The following MYO1E variants were observed in gnomAD, a reference collection of about 807,000 sequenced individuals.
MYO1E encodes the protein myosin IE, also known as unconventional myosin-Ie.
MYO1E carries 68 observed loss-of-function variants against 151.1 expected under a neutral mutation model. The observed-to-expected ratio is 0.45, with a 90% CI of 0.37 to 0.55. The LOEUF (loss-of-function observed/expected upper bound fraction) is 0.55, where lower values mean the gene tolerates loss of function less well. Among genes scored for constraint, MYO1E ranks in the 20% least tolerant of loss-of-function variants. The pLI is 0.00. For synonymous variants in MYO1E, 601 were observed against 501.7 expected (o/e 1.20, Z -2.64); for missense variants, 1,363 against 1,389.3 (o/e 0.98, Z 0.30).
At chr15:59,138,405 CAG>C in intron 26 of MYO1E, 38 bp from the exon 27 acceptor site, 2 of 1,609,578 alleles carry the variant, frequency 1.2e-6, no homozygotes, top group Non-Finnish European at 1.7e-6. Context: ...TGGGCCCCAA[CAG>C]GGGGCAGCAG....
rs1276264068 is a variant in MYO1E, at chr15:59,132,748, AGT to A, written c.*4630_*4631del. The A allele has an allele frequency of 6.6e-6, 1 of 152,338 alleles. No homozygotes were observed. The highest frequency in any genetic ancestry group is 2.4e-5 in the African/African-American group (1 of 41,576). 9.4% of individuals were successfully genotyped at this position (152,338 alleles called of 1,614,324 possible). ...TCTGTACCTGTGAAGTGGGGATAAG[AGT>A]GTCTCCCTCATAGGGTGGTGCTAAG... On this transcript the variant is annotated 3_prime_UTR_variant, in exon 28 of 28. Coordinates refer to ENST00000288235, the MANE Select transcript of MYO1E (RefSeq NM_004998.4).
chr15:59,287,882 G>C (rs75427114), intron 1 of MYO1E, among the ~76,000 whole-genome samples: 1 of 152,222 alleles, frequency 6.6e-6, no homozygotes, highest in Non-Finnish European at 1.5e-5. Context: ...ACTAGAAGGA[G>C]TGGATCAGAA....
intron 26 of MYO1E, among the ~76,000 whole-genome samples, chr15:59,149,052 G>GTTTTTT (rs570700878): frequency 1.6e-5 from 2 of 128,234 alleles, no homozygotes. Context: ...TTTTTTTTTT[G>GTTTTTT]TTTTTTTTTT....
intron 17 of MYO1E, among the ~76,000 whole-genome samples, chr15:59,193,521 G>A (rs1412532294): frequency 6.6e-6 from 1 of 152,206 alleles, no homozygotes; most frequent in Non-Finnish European, 1.5e-5. Context: ...TCCAAGAGAA[G>A]GGCTAAGATG....
intron 15 of MYO1E, among the ~76,000 whole-genome samples, chr15:59,202,919 T>C (rs1474475679): frequency 4.6e-5 from 7 of 152,162 alleles, no homozygotes; most frequent in African/African-American, 1.7e-4. Context: ...CTAATTCTTG[T>C]ATTTTCTTTA....
intron 19 of MYO1E, among the ~76,000 whole-genome samples, chr15:59,176,217 C>T (rs749134474): frequency 3.1e-4 from 47 of 152,072 alleles, no homozygotes; most frequent in Non-Finnish European, 6.5e-4. Flanking sequence ...CGCCACCATG[C>T]CCGGCTAATT....
At chr15:59,368,235 G>A (rs1456973275) in intron 1 of MYO1E, among the ~76,000 whole-genome samples, 1 of 152,228 alleles carries the variant, frequency 6.6e-6, no homozygotes, top group African/African-American at 2.4e-5. Context: ...CTAGAATCAA[G>A]TAGTGGTGCC....
chr15:59,147,818 CGTCTCCCTGTCTG>C (rs2079451151), intron 26 of MYO1E, among the ~76,000 whole-genome samples: 2 of 151,932 alleles, frequency 1.3e-5, no homozygotes, highest in African/African-American at 4.8e-5. Flanking sequence ...TGGGGGCGGG[CGTCTCCCTGTCTG>C]GTCTCCTTGT....
intron 12 of MYO1E, among the ~76,000 whole-genome samples, chr15:59,213,145 A>T (rs1269207318): frequency 2.1e-5 from 1 of 47,622 alleles, no homozygotes. Flanking sequence ...ATTTATTATT[A>T]TTATTATTAT....
At position 59,173,742 on chromosome 15, in the gene MYO1E, G is replaced by A. The variant is rs547986069; in HGVS notation, c.2334+4C>T. The A allele has an allele frequency of 1.1e-5, 18 of 1,614,008 alleles. No homozygotes were observed. Among genetic ancestry groups the A allele is most frequent in the South Asian group, 3.3e-5 (3 of 91,080 alleles). On this transcript the variant is annotated splice_donor_region_variant and intron_variant, in intron 21 of 27. Transcript: ENST00000288235. ...GATCTCAGAGGCAGGCAGTTAGCAC[G>A]TACCTTGAACCTCCTGTCATACTTG... is the stretch of plus-strand genomic sequence containing the variant.
chr15:59,313,331 T>C (rs28733526), intron 1 of MYO1E, among the ~76,000 whole-genome samples: 8,128 of 152,174 alleles, frequency 0.053, 679 homozygotes, highest in African/African-American at 0.18. Flanking sequence ...CAACTGTTAA[T>C]ACGCATCTGA....
intron 26 of MYO1E, among the ~76,000 whole-genome samples, chr15:59,144,495 A>G (rs2079429376): frequency 6.6e-6 from 1 of 152,200 alleles, no homozygotes; most frequent in Middle Eastern, 3.4e-3. Context: ...AAGTTTTGCC[A>G]TGTTGCCCAG....
intron 22 of MYO1E, among the ~76,000 whole-genome samples, chr15:59,168,468 C>G (rs562188623): frequency 6.6e-6 from 1 of 151,956 alleles, no homozygotes; most frequent in Non-Finnish European, 1.5e-5. Flanking sequence ...ATTGCTTGAA[C>G]CTGGAGGGCG....
rs1354951140 is a variant in MYO1E at position 59,145,972 on chromosome 15, C to A, written c.3081-7605G>T. Among the ~76,000 whole-genome samples, 4 of 152,194 alleles carry A rather than the reference C, an allele frequency of 2.6e-5. 1 individual carries two copies. The highest frequency in any genetic ancestry group is 2.0e-4 in the Admixed American group (3 of 15,284). ...CAAGCTGCCCTCACGACAGCACAGGCTCACTCATGTCTAAAAATGCCTTGC... is the reference window on the plus strand; with the variant it reads ...CAAGCTGCCCTCACGACAGCACAGGATCACTCATGTCTAAAAATGCCTTGC... On this transcript the variant is annotated intron_variant, in intron 26 of 27. Transcript: ENST00000288235.
chr15:59,358,997 A>T (rs902243150), intron 1 of MYO1E, among the ~76,000 whole-genome samples: 3 of 152,142 alleles, frequency 2.0e-5, no homozygotes, highest in Non-Finnish European at 2.9e-5. Context: ...CACATTGGGG[A>T]TTTATGAATC....
chr15:59,262,420 C>T (rs749449463), intron 2 of MYO1E, among the ~76,000 whole-genome samples: 30 of 151,878 alleles, frequency 2.0e-4, no homozygotes, highest in South Asian at 4.2e-4. Context: ...AGTTTGAGGC[C>T]GGCCTGGGCA....
chr15:59,317,340 C>A (rs547777827), intron 1 of MYO1E, among the ~76,000 whole-genome samples: 9 of 152,306 alleles, frequency 5.9e-5, no homozygotes, highest in Admixed American at 5.9e-4. Flanking sequence ...CTAAAGAAAC[C>A]TGGAACAAGG....
chr15:59,231,870 C>A, intron 5 of MYO1E, 79 bp from the exon 6 acceptor site: 1 of 1,491,286 alleles, frequency 6.7e-7, no homozygotes, highest in Non-Finnish European at 9.3e-7. Flanking sequence ...CTCTAAGGAC[C>A]TGGTTTCTGA....
intron 22 of MYO1E, among the ~76,000 whole-genome samples, chr15:59,168,801 T>G (rs1216789390): frequency 6.6e-6 from 1 of 152,102 alleles, no homozygotes; most frequent in Non-Finnish European, 1.5e-5. Flanking sequence ...TCACATTTTT[T>G]GTAGAGATGG....
Sources: allele counts gnomAD v4.1 joint callset (sites outside exome capture counted in the v4.1 genomes callset), GRCh38; gene constraint gnomAD v4.1.1; transcripts MANE v1.5; gene names NCBI Gene and HGNC (gene_info 2026-07-23, HGNC 2026-07-21).